The following DOCK10 variants were observed in gnomAD, a reference collection of about 807,000 sequenced individuals.
The protein encoded by DOCK10 is dedicator of cytokinesis protein 10.
In DOCK10, 145 loss-of-function variants were observed where a neutral mutation model predicts 280.1. That is an observed-to-expected ratio of 0.52 (90% CI 0.45 to 0.59). The LOEUF is 0.59. Ranked by LOEUF, DOCK10 falls within the 20% of genes least tolerant of loss-of-function variation. DOCK10 has a pLI of 0.00. For synonymous variants in DOCK10, 915 were observed against 942.2 expected (o/e 0.97, Z 0.53); for missense variants, 2,368 against 2,651.7 (o/e 0.89, Z 2.35).
intron 2 of DOCK10, among the ~76,000 whole-genome samples, chr2:224,927,614 G>C (rs1388574511): frequency 1.3e-5 from 2 of 152,180 alleles, no homozygotes; most frequent in African/African-American, 4.8e-5. Context: ...CCAGATACCA[G>C]ACGAAGTCTC....
intron 1 of DOCK10, among the ~76,000 whole-genome samples, chr2:224,958,427 G>A (rs1027464107): frequency 7.2e-5 from 11 of 152,176 alleles, no homozygotes; most frequent in Non-Finnish European, 1.3e-4. Flanking sequence ...GTAGCCAGAA[G>A]ACCCCTTGGT....
intron 27 of DOCK10, among the ~76,000 whole-genome samples, chr2:224,830,038 C>T (rs1379752101): frequency 1.3e-5 from 2 of 152,328 alleles, no homozygotes; most frequent in East Asian, 3.9e-4. Flanking sequence ...GTTGCTGTAT[C>T]TTGCAATATG....
intron 43 of DOCK10, 116 bp downstream of exon 43, chr2:224,796,848 G>A: frequency 1.1e-6 from 1 of 901,114 alleles, no homozygotes; most frequent in Admixed American, 2.3e-5. Context: ...CGTCTTTAAG[G>A]AGGACGCTAG....
intron 15 of DOCK10, 22 bp from the exon 16 acceptor site, chr2:224,855,064 GACACACACAC>G (rs60658292): frequency 0.018 from 10,476 of 575,470 alleles, 70 homozygotes; most frequent in Admixed American, 0.025. Context: ...CATGAGCAAG[GACACACACAC>G]ACACACACAC....
intron 3 of DOCK10, among the ~76,000 whole-genome samples, chr2:224,914,422 A>G (rs944756544): frequency 6.6e-6 from 1 of 152,202 alleles, no homozygotes; most frequent in Non-Finnish European, 1.5e-5. Context: ...TTAGAAGGCA[A>G]CTCGGTATTA....
chr2:224,775,158 A>G, intron 51 of DOCK10, 43 bp from the exon 52 acceptor site: 2 of 1,584,452 alleles, frequency 1.3e-6, no homozygotes, highest in Non-Finnish European at 1.7e-6. Flanking sequence ...TGTGCCCTGG[A>G]GCGCTCTGAA....
chr2:224,985,003 G>A (rs1705930715), intron 1 of DOCK10, among the ~76,000 whole-genome samples: 1 of 152,030 alleles, frequency 6.6e-6, no homozygotes, highest in African/African-American at 2.4e-5. Flanking sequence ...CACCACACCT[G>A]GCTAATTTTT....
chr2:224,992,272 C>G (rs114473170), intron 1 of DOCK10, among the ~76,000 whole-genome samples: 1 of 152,202 alleles, frequency 6.6e-6, no homozygotes, highest in Non-Finnish European at 1.5e-5. Flanking sequence ...TAACCACCCA[C>G]GTCTTAAACA....
chr2:224,957,461 T>C (rs1473706128), intron 1 of DOCK10, among the ~76,000 whole-genome samples: 1 of 151,806 alleles, frequency 6.6e-6, no homozygotes. Flanking sequence ...TTTTTTCATT[T>C]TAATTTTTTT....
chr2:224,788,468 C>A lies in DOCK10; in HGVS notation c.5418+596G>T, dbSNP rs893510933. Reference sequence around the variant, plus strand: ...CAATATATGCTAAATTGGTGTAGAACCATTTGTAAAATTGTATTAAAATTC... The same window carrying A: ...CAATATATGCTAAATTGGTGTAGAAACATTTGTAAAATTGTATTAAAATTC... On this transcript the variant is annotated intron_variant, in intron 48 of 55. Transcript: ENST00000258390. Among the ~76,000 whole-genome samples the A allele has an allele frequency of 1.2e-4, 18 of 152,080 alleles. 1 individual carries two copies. The South Asian group carries it at 3.7e-3, about 32-fold the overall frequency.
intron 33 of DOCK10, among the ~76,000 whole-genome samples, chr2:224,806,705 G>T (rs1693416714): frequency 6.6e-6 from 1 of 152,116 alleles, no homozygotes; most frequent in African/African-American, 2.4e-5. Context: ...CCTGGCTCAA[G>T]CGATCCTCCT....
chr2:224,961,326 T>C (rs1239752131), intron 1 of DOCK10, among the ~76,000 whole-genome samples: 3 of 152,200 alleles, frequency 2.0e-5, no homozygotes, highest in Non-Finnish European at 4.4e-5. Context: ...CCAATTCCCA[T>C]TGTGCAACAC....
chr2:225,028,634 C>A (rs1200113203), intron 1 of DOCK10, among the ~76,000 whole-genome samples: 1 of 152,164 alleles, frequency 6.6e-6, no homozygotes, highest in Non-Finnish European at 1.5e-5. Context: ...GTCACAGCAG[C>A]CCAGACCCAG....
chr2:224,982,713 T>C (rs1226891352), intron 1 of DOCK10, among the ~76,000 whole-genome samples: 3 of 152,164 alleles, frequency 2.0e-5, no homozygotes, highest in African/African-American at 7.2e-5. Flanking sequence ...GACACACAAA[T>C]AAATTACTTT....
chr2:224,826,321 C>A (rs921626087), intron 27 of DOCK10, among the ~76,000 whole-genome samples: 2 of 152,078 alleles, frequency 1.3e-5, no homozygotes, highest in Admixed American at 6.5e-5. Flanking sequence ...ACCTCAGCCT[C>A]CCAAAGTGCT....
chr2:224,930,774 T>C (rs1702315925), intron 2 of DOCK10, among the ~76,000 whole-genome samples: 1 of 152,216 alleles, frequency 6.6e-6, no homozygotes. Context: ...GTTTGTGATG[T>C]CTGAGACCAC....
At chr2:224,888,349 ATG>A (rs1019135684) in intron 4 of DOCK10, among the ~76,000 whole-genome samples, 8 of 151,346 alleles carry the variant, frequency 5.3e-5, no homozygotes, top group African/African-American at 1.5e-4. Flanking sequence ...GTGAATACAT[ATG>A]TGTGTGTCTG....
At chr2:224,854,233 T>TC (rs1374366800) in intron 16 of DOCK10, among the ~76,000 whole-genome samples, 2 of 151,674 alleles carry the variant, frequency 1.3e-5, no homozygotes, top group Non-Finnish European at 2.9e-5. Context: ...TTTTTTTTTT[T>TC]CACATTGCTG....
At chr2:224,959,789 C>T (rs763185711) in intron 1 of DOCK10, among the ~76,000 whole-genome samples, 2 of 152,230 alleles carry the variant, frequency 1.3e-5, no homozygotes, top group Non-Finnish European at 2.9e-5. Flanking sequence ...GAAGCCGACA[C>T]TGGGAAACCC....
Sources: allele counts gnomAD v4.1 joint callset (sites outside exome capture counted in the v4.1 genomes callset), GRCh38; gene constraint gnomAD v4.1.1; transcripts MANE v1.5; gene names NCBI Gene and HGNC (gene_info 2026-07-23, HGNC 2026-07-21).